ALG11: variants seen among roughly 807,000 people sequenced by gnomAD.
ALG11 encodes ALG11 alpha-1,2-mannosyltransferase.
A neutral mutation model predicts 38.8 loss-of-function variants in ALG11; 26 were observed. The ratio of observed to expected loss-of-function variants is 0.67; its 90% CI spans 0.49 to 0.93. The LOEUF is 0.93. ALG11 is among the 40% of genes least tolerant of loss of function. The probability of loss-of-function intolerance (pLI) is 0.00; values close to 1 mark genes in which losing one functional copy is unlikely to be tolerated. For synonymous variants in ALG11, 199 were observed against 211.6 expected (o/e 0.94, Z 0.52); for missense variants, 535 against 578.8 (o/e 0.92, Z 0.78).
At chr13:52,015,627 A>C (rs1438742806) in intron 1 of ALG11, among the ~76,000 whole-genome samples, 1 of 152,026 alleles carries the variant, frequency 6.6e-6, no homozygotes, top group Non-Finnish European at 1.5e-5. Flanking sequence ...AGTTCACGAG[A>C]TCTGATGGGG....
rs771525145 is a variant in ALG11 at position 52,028,855 on chromosome 13, A to T, written c.*265A>T. On this transcript the variant is annotated 3_prime_UTR_variant, in exon 4 of 4. Transcript: ENST00000521508. The stretch of plus-strand genomic sequence containing the variant: ...ATCTGGCTTTGAGCCACCAGGAAGA[A>T]CTAGTGGATTTGCCAAAAAACTACC... 3 of 1,614,260 alleles carry T rather than the reference A, an allele frequency of 1.9e-6. No homozygotes were observed. In the South Asian group the frequency reaches 3.3e-5, roughly 18 times the overall value.
chr13:52,014,801 T>G (rs1437710459), intron 1 of ALG11, among the ~76,000 whole-genome samples: 1 of 152,232 alleles, frequency 6.6e-6, no homozygotes, highest in Non-Finnish European at 1.5e-5. Flanking sequence ...AAATAATTAT[T>G]TGGTCCAAAA....
rs1451567563 is a variant in ALG11, at chr13:52,029,521, G to C, written c.*931G>C. On this transcript the variant is annotated 3_prime_UTR_variant, in exon 4 of 4. Coordinates refer to ENST00000521508, the MANE Select transcript of ALG11 (RefSeq NM_001004127.3). ...CTCTGCAGTCCTACTATGAGGCCAA[G>C]GCTCGAAAAGAGAAGAAAATCAAAA... is the stretch of plus-strand genomic sequence containing the variant. The C allele has an allele frequency of 6.2e-7, 1 of 1,614,146 alleles. No homozygotes were observed. The highest frequency in any genetic ancestry group is 1.1e-5 in the South Asian group (1 of 91,070).
chr13:52,019,045 G>T lies in ALG11; in HGVS notation c.177G>T (p.Gly59=), dbSNP rs753144984. The change falls in exon 2 of 4, where the codon GGG becomes GGT. Residue 59 remains glycine (G), a synonymous_variant. Coordinates refer to ENST00000521508, the MANE Select transcript of ALG11 (RefSeq NM_001004127.3). The part of the protein sequence containing the change: ...KKKLVSTSKN[G]KNQMVIAFFH... ...AATTAGTGTCAACTAGCAAAAATGG[G>T]AAAAATCAAATGGTGATTGCATTTT... The T allele has an allele frequency of 1.2e-6, 2 of 1,613,904 alleles. No individual in the cohort carries two copies.
chr13:52,028,387 A>G lies in ALG11; in HGVS notation c.1276A>G (p.Ile426Val), dbSNP rs372405062. 6.2e-6 allele frequency: 10 copies of G among 1,614,046 alleles called. No individual in the cohort carries two copies. In the African/African-American group the frequency reaches 8.0e-5, roughly 13 times the overall value. ...AHNSGGPKLD[I>V]VVPHEGDITG... The stretch of plus-strand genomic sequence containing the variant: ...CAATTCGGGGGGCCCAAAGCTTGAC[A>G]TTGTGGTTCCTCACGAAGGAGATAT... Residue 426 changes from isoleucine to valine, a missense_variant, in exon 4 of 4, where the codon ATT (isoleucine) becomes GTT (valine). Physicochemically the swap from Ile to Val is conservative, Grantham distance 29. Coordinates refer to ENST00000521508, the MANE Select transcript of ALG11 (RefSeq NM_001004127.3).
Position 52,031,922 on chromosome 13 carries a change from GA to G in ALG11, c.*3336del, listed in dbSNP as rs1954310188. The G allele has an allele frequency of 6.0e-6, 1 of 167,014 alleles. No homozygotes were observed. Among genetic ancestry groups the G allele is most frequent in the African/African-American group, 2.4e-5 (1 of 41,446 alleles). 10.3% of individuals were successfully genotyped at this position (167,014 alleles called of 1,614,324 possible). On this transcript the variant is annotated 3_prime_UTR_variant, in exon 4 of 4. Transcript: ENST00000521508. ...GATGGAAAGTAGATGAAACTACTTT[GA>G]AAATTACGACAGTTAAGGGCTGGGT...
intron 2 of ALG11, chr13:52,023,663 A>G (rs187049208): frequency 1.5e-3 from 225 of 153,898 alleles, no homozygotes; most frequent in Non-Finnish European, 2.1e-3. Context: ...TTTTTGCTTG[A>G]TTTTAACCTA....
chr13:52,022,976 T>A (rs1954198908), intron 2 of ALG11: 1 of 152,262 alleles, frequency 6.6e-6, no homozygotes, highest in Non-Finnish European at 1.5e-5. Context: ...AAATGTTTTA[T>A]GACTCAAAGA....
At position 52,030,019 on chromosome 13, in the gene ALG11, T is replaced by A; in HGVS notation, c.*1429T>A. The stretch of plus-strand genomic sequence containing the variant: ...TTGCAGCTCATGAGGTTTCTGCAAG[T>A]GAGGCAGAAGAAAGACCAGTGGCAG... On this transcript the variant is annotated 3_prime_UTR_variant, in exon 4 of 4. Transcript: ENST00000521508. 3.1e-6 allele frequency: 5 copies of A among 1,614,164 alleles called. No homozygotes were observed. The highest frequency in any genetic ancestry group is 4.2e-6 in the Non-Finnish European group (5 of 1,180,026).
In ALG11 at chr13:52,024,435, C is replaced by G. The variant is rs766400927; in HGVS notation, c.705C>G (p.Ile235Met). 3.7e-6 allele frequency: 6 copies of G among 1,613,986 alleles called. No homozygotes were observed. The highest frequency in any genetic ancestry group is 5.1e-6 in the Non-Finnish European group (6 of 1,179,922). Residue 235 changes from isoleucine to methionine, a missense_variant, in exon 3 of 4, where the codon ATC (isoleucine) becomes ATG (methionine). By Grantham distance (10) the Ile-to-Met change is conservative (BLOSUM62 1). Transcript: ENST00000521508. ...CTTTTCTCAGCAAAGTAAAGCTCATCTACTACTATTTATTTGCTTTTATTT... is the reference window on the plus strand; with the variant it reads ...CTTTTCTCAGCAAAGTAAAGCTCATGTACTACTATTTATTTGCTTTTATTT... Reference protein sequence around the residue: ...RNPFLSKVKLIYYYLFAFIYG... With the variant: ...RNPFLSKVKLMYYYLFAFIYG...
chr13:52,013,916 A>G (rs2140826328), intron 1 of ALG11, among the ~76,000 whole-genome samples: 1 of 152,334 alleles, frequency 6.6e-6, no homozygotes, highest in African/African-American at 2.4e-5. Flanking sequence ...TAAGTGCAAA[A>G]GTGATAGCGG....
chr13:52,012,526 G>A lies in ALG11; in HGVS notation c.44+64G>A, dbSNP rs1593895821. The A allele has an allele frequency of 3.1e-6, 5 of 1,611,560 alleles. No individual in the cohort carries two copies. The East Asian group carries it at 1.1e-4, about 36-fold the overall frequency. On this transcript the variant is annotated intron_variant, in intron 1 of 3. Transcript: ENST00000521508. ...TTCTGTAGGGGTACTTGCCCGTCCA[G>A]TGTAGCTAAATTTTGCGGGCAAATG...
At chr13:52,020,611 T>C (rs1954175997) in intron 2 of ALG11, 1 of 152,230 alleles carries the variant, frequency 6.6e-6, no homozygotes. Context: ...GGTGGTAAAG[T>C]TTCATGATAT....
Position 52,029,847 on chromosome 13 carries a change from G to A in ALG11, c.*1257G>A. On this transcript the variant is annotated 3_prime_UTR_variant, in exon 4 of 4. Coordinates refer to ENST00000521508, the MANE Select transcript of ALG11 (RefSeq NM_001004127.3). ...TCTGAGAGTGAGGAAGAGGAGGGAG[G>A]CACAGAAGTGGAAGAACTCCTTGTC... 2 of 1,614,192 alleles carry A rather than the reference G, an allele frequency of 1.2e-6. No individual in the cohort carries two copies. Among genetic ancestry groups the A allele is most frequent in the Non-Finnish European group, 1.7e-6 (2 of 1,180,030 alleles).
Position 52,031,361 on chromosome 13 carries a change from G to A in ALG11, c.*2771G>A, listed in dbSNP as rs996804261. The A allele has an allele frequency of 1.2e-5, 6 of 497,504 alleles. No homozygotes were observed. Among genetic ancestry groups the A allele is most frequent in the Non-Finnish European group, 2.1e-5 (6 of 285,874 alleles). 30.8% of individuals were successfully genotyped at this position (497,504 alleles called of 1,614,324 possible). ...GATGACCCTTTTGAATATACCTAAT[G>A]ATTTCCTTAAAAAAGAAATTTTAAA... On this transcript the variant is annotated 3_prime_UTR_variant, in exon 4 of 4. Coordinates refer to ENST00000521508, the MANE Select transcript of ALG11 (RefSeq NM_001004127.3).
Position 52,029,004 on chromosome 13 carries a change from G to A in ALG11, c.*414G>A. 6.2e-7 allele frequency: 1 copy of A among 1,614,266 alleles called. No homozygotes were observed. The highest frequency in any genetic ancestry group is 8.5e-7 in the Non-Finnish European group (1 of 1,180,048). ...AAATTGGCTGAGAGGTCTGAGGCTAGTCTGAAAGTGTCAGAGTTCAGTGTC... is the reference window on the plus strand; with the variant it reads ...AAATTGGCTGAGAGGTCTGAGGCTAATCTGAAAGTGTCAGAGTTCAGTGTC... On this transcript the variant is annotated 3_prime_UTR_variant, in exon 4 of 4. Coordinates refer to ENST00000521508, the MANE Select transcript of ALG11 (RefSeq NM_001004127.3).
intron 2 of ALG11, 73 bp downstream of exon 2, chr13:52,019,216 CTT>C (rs767701891): frequency 0.038 from 16,466 of 428,040 alleles, no homozygotes; most frequent in Middle Eastern, 0.057. Flanking sequence ...AGAAATTCAT[CTT>C]TTTTTTTTTT....
At position 52,031,081 on chromosome 13, in the gene ALG11, T is replaced by C; in HGVS notation, c.*2491T>C. On this transcript the variant is annotated 3_prime_UTR_variant, in exon 4 of 4. Coordinates refer to ENST00000521508, the MANE Select transcript of ALG11 (RefSeq NM_001004127.3). The stretch of plus-strand genomic sequence containing the variant: ...GGAATCCAAAACGAATCACCACACG[T>C]CACAATAAAGAAGAAAAACTGTAGG... 1.2e-6 allele frequency: 2 copies of C among 1,612,810 alleles called. No individual in the cohort carries two copies. Among genetic ancestry groups the C allele is most frequent in the Non-Finnish European group, 1.7e-6 (2 of 1,179,412 alleles).
chr13:52,012,965 ACTTT>A (rs1593896380), intron 1 of ALG11, among the ~76,000 whole-genome samples: 1 of 152,304 alleles, frequency 6.6e-6, no homozygotes, highest in East Asian at 1.9e-4. Context: ...ATAATCTGTT[ACTTT>A]AATTTTTATG....
Sources: gnomAD v4.1 joint callset for allele counts (sites outside exome capture counted in the v4.1 genomes callset) on GRCh38, gnomAD v4.1.1 for gene constraint, MANE v1.5 for transcripts, NCBI Gene and HGNC (gene_info 2026-07-23, HGNC 2026-07-21) for gene names.